The following EPC2 variants were observed in gnomAD, a reference collection of about 807,000 sequenced individuals.
EPC2 encodes the protein enhancer of polycomb homolog 2.
In EPC2, 14 loss-of-function variants were observed where a neutral mutation model predicts 92.1. That is an observed-to-expected ratio of 0.15 (90% CI 0.10 to 0.24). The LOEUF (loss-of-function observed/expected upper bound fraction) is 0.24. EPC2 is among the 10% of genes least tolerant of loss of function. EPC2 has a pLI of 1.00. For synonymous variants in EPC2, 340 were observed against 334.7 expected, an observed-to-expected ratio of 1.02 and a Z score of -0.17; for missense variants, 755 against 971.5, an observed-to-expected ratio of 0.78 and a Z score of 2.96.
intron 4 of EPC2, among the ~76,000 whole-genome samples, chr2:148,760,789 A>G (rs1471100638): frequency 6.6e-6 from 1 of 152,200 alleles, no homozygotes; most frequent in Admixed American, 6.5e-5. Context: ...AAAGAAAAAG[A>G]GTATAACTTT....
At chr2:148,675,739 C>T (rs952198262) in intron 1 of EPC2, among the ~76,000 whole-genome samples, 1 of 152,110 alleles carries the variant, frequency 6.6e-6, no homozygotes, top group African/African-American at 2.4e-5. Flanking sequence ...TGCTGATGGC[C>T]TATCTCATTG....
At chr2:148,649,495 CTTG>C (rs1290664452) in intron 1 of EPC2, among the ~76,000 whole-genome samples, 2 of 152,256 alleles carry the variant, frequency 1.3e-5, no homozygotes, top group South Asian at 2.1e-4. Flanking sequence ...AAGATTCATC[CTTG>C]TTGTATGAGT....
intron 2 of EPC2, among the ~76,000 whole-genome samples, chr2:148,704,902 C>T (rs910484441): frequency 7.3e-5 from 11 of 149,754 alleles, no homozygotes; most frequent in Non-Finnish European, 1.0e-4. Flanking sequence ...TTTTCTTTTT[C>T]TTTTTCTTTT....
At chr2:148,678,067 G>GC (rs1681308039) in intron 1 of EPC2, among the ~76,000 whole-genome samples, 1 of 152,204 alleles carries the variant, frequency 6.6e-6, no homozygotes, top group Non-Finnish European at 1.5e-5. Flanking sequence ...CTGATTGGTA[G>GC]AGCTGAGTGG....
chr2:148,703,276 T>C (rs1162084061), intron 2 of EPC2, among the ~76,000 whole-genome samples: 3 of 152,200 alleles, frequency 2.0e-5, no homozygotes, highest in African/African-American at 7.2e-5. Context: ...TATTTTTTCC[T>C]AAGCTACATG....
At chr2:148,720,906 G>T (rs1682358693) in intron 2 of EPC2, among the ~76,000 whole-genome samples, 1 of 152,144 alleles carries the variant, frequency 6.6e-6, no homozygotes. Context: ...GAGCGCCACG[G>T]ACTGCAGCTG....
chr2:148,724,133 G>A (rs1195380157), intron 2 of EPC2, among the ~76,000 whole-genome samples: 1 of 151,986 alleles, frequency 6.6e-6, no homozygotes, highest in African/African-American at 2.4e-5. Flanking sequence ...GTTTCAGAGA[G>A]CAGTTCCTCA....
intron 1 of EPC2, among the ~76,000 whole-genome samples, chr2:148,655,760 G>A (rs987557219): frequency 4.6e-5 from 7 of 151,954 alleles, no homozygotes; most frequent in African/African-American, 1.2e-4. Flanking sequence ...TTCCTGTGTC[G>A]TCCTTGTCTC....
chr2:148,685,604 C>CA (rs973247179), intron 1 of EPC2, among the ~76,000 whole-genome samples: 85 of 152,042 alleles, frequency 5.6e-4, no homozygotes, highest in African/African-American at 2.0e-3. Flanking sequence ...ACTAAAAATA[C>CA]AAAAAAATTA....
At chr2:148,688,631 T>A (rs1025903956) in intron 1 of EPC2, among the ~76,000 whole-genome samples, 16 of 152,328 alleles carry the variant, frequency 1.1e-4, no homozygotes, top group Admixed American at 5.9e-4. Flanking sequence ...GTGTTTCTGT[T>A]TTGTTACTTA....
intron 2 of EPC2, among the ~76,000 whole-genome samples, chr2:148,716,668 T>A (rs1454760165): frequency 6.6e-6 from 1 of 152,168 alleles, no homozygotes; most frequent in Non-Finnish European, 1.5e-5. Context: ...GAGTTTTGCA[T>A]CGAGGTTCAC....
intron 2 of EPC2, among the ~76,000 whole-genome samples, chr2:148,740,417 T>C (rs542416986): frequency 5.2e-4 from 79 of 152,226 alleles, no homozygotes; most frequent in Non-Finnish European, 1.0e-3. Context: ...ATGATTCTTA[T>C]ATGGGTTTTG....
At chr2:148,701,099 CTT>C (rs1681877471) in intron 2 of EPC2, among the ~76,000 whole-genome samples, 2 of 152,114 alleles carry the variant, frequency 1.3e-5, no homozygotes, top group South Asian at 4.1e-4. Context: ...AAGCAACTGA[CTT>C]TTGTATATTA....
intron 1 of EPC2, among the ~76,000 whole-genome samples, chr2:148,666,313 T>G (rs558999630): frequency 6.6e-6 from 1 of 152,224 alleles, no homozygotes; most frequent in Non-Finnish European, 1.5e-5. Flanking sequence ...GCTAATTTTT[T>G]GACTTTTTTT....
At chr2:148,740,560 C>G (rs2105405019) in intron 2 of EPC2, among the ~76,000 whole-genome samples, 1 of 152,242 alleles carries the variant, frequency 6.6e-6, no homozygotes, top group African/African-American at 2.4e-5. Context: ...CCCAGCTTTT[C>G]TTGTTCCTTC....
intron 1 of EPC2, among the ~76,000 whole-genome samples, chr2:148,673,068 T>A (rs1334403522): frequency 6.6e-6 from 1 of 152,242 alleles, no homozygotes; most frequent in East Asian, 1.9e-4. Context: ...ATCTATGAGC[T>A]CTCCCTTGTA....
At chr2:148,723,702 A>G (rs1682429323) in intron 2 of EPC2, among the ~76,000 whole-genome samples, 1 of 152,106 alleles carries the variant, frequency 6.6e-6, no homozygotes, top group Admixed American at 6.6e-5. Flanking sequence ...CTTACTTACA[A>G]TTTTGTTTTC....
At chr2:148,730,428 A>ATT (rs1682593879) in intron 2 of EPC2, among the ~76,000 whole-genome samples, 1 of 152,214 alleles carries the variant, frequency 6.6e-6, no homozygotes, top group Admixed American at 6.5e-5. Context: ...CCACAAGTAA[A>ATT]GTTTATAATG....
At chr2:148,785,595 G>C (rs1683851327) in intron 13 of EPC2, among the ~76,000 whole-genome samples, 1 of 152,132 alleles carries the variant, frequency 6.6e-6, no homozygotes, top group Non-Finnish European at 1.5e-5. Flanking sequence ...CAAAGTGCTG[G>C]GATTACAAGT....
Sources: allele counts gnomAD v4.1 joint callset (sites outside exome capture counted in the v4.1 genomes callset), GRCh38; gene constraint gnomAD v4.1.1; transcripts MANE v1.5; gene names NCBI Gene and HGNC (gene_info 2026-07-23, HGNC 2026-07-21).